Variants in ESS2 observed in about 807,000 individuals in gnomAD.
The protein encoded by ESS2 is splicing factor ESS-2 homolog.
ESS2 carries 31 observed loss-of-function variants against 52.0 expected under a neutral mutation model. That is an observed-to-expected ratio of 0.60 (90% CI 0.45 to 0.81). The LOEUF is 0.81. Ranked by LOEUF, ESS2 falls within the 30% of genes least tolerant of loss-of-function variation. The pLI is 0.00. For synonymous variants in ESS2, 285 were observed against 259.2 expected (o/e 1.10, Z -0.95); for missense variants, 602 against 637.2 (o/e 0.94, Z 0.59).
chr22:19,132,436 A>G lies in ESS2; in HGVS notation c.*1760T>C, dbSNP rs1191692729. The G allele has an allele frequency of 1.2e-6, 2 of 1,612,642 alleles. No individual in the cohort carries two copies. ...GCCGAGACCTCCAGGGCCAAAGACC[A>G]TCACATCTCCGGAGCTGAGGTGGGG... On this transcript the variant is annotated 3_prime_UTR_variant, in exon 10 of 10. Transcript: ENST00000252137. The surrounding 1 kb of genome is among the most constrained non-coding windows in gnomAD (Gnocchi z 4.2).
chr22:19,142,470 A>G, intron 3 of ESS2, 68 bp downstream of exon 3: 3 of 1,432,746 alleles, frequency 2.1e-6, no homozygotes, highest in African/African-American at 1.4e-5. Context: ...CCACCCCCTC[A>G]GGGCCTCACA....
At position 19,142,787 on chromosome 22, in the gene ESS2, G is replaced by A. The variant is rs768314414; in HGVS notation, c.243C>T (p.Arg81=). The A allele has an allele frequency of 5.6e-6, 9 of 1,614,152 alleles. No homozygotes were observed. Among genetic ancestry groups the A allele is most frequent in the South Asian group, 2.2e-5 (2 of 91,086 alleles). ...CAGAGCCAAACTTGATGGCAATCTGGCGCATCCGTTCCAAGTCTCCATTCT... is the reference window on the plus strand; with the variant it reads ...CAGAGCCAAACTTGATGGCAATCTGACGCATCCGTTCCAAGTCTCCATTCT... ...AEENGDLERM[R]QIAIKFGSAL... The change falls in exon 2 of 10, where the codon CGC becomes CGT. Residue 81 remains arginine, a synonymous_variant. Transcript: ENST00000252137.
intron 7 of ESS2, 128 bp downstream of exon 7, chr22:19,138,087 G>A (rs2083615868): frequency 2.0e-6 from 3 of 1,509,312 alleles, no homozygotes; most frequent in Admixed American, 2.3e-5. Flanking sequence ...AGGAGACCAG[G>A]TCCCTGAGTT....
At position 19,132,164 on chromosome 22, in the gene ESS2, C is replaced by G; in HGVS notation, c.*2032G>C. 2.5e-6 allele frequency: 4 copies of G among 1,613,276 alleles called. No individual in the cohort carries two copies. Among genetic ancestry groups the G allele is most frequent in the Non-Finnish European group, 3.4e-6 (4 of 1,179,386 alleles). ...ACCTCATCTACCGCATGCTGCAGCCCGACGTCAGCCAGCGGCTCCACATCG... is the reference window on the plus strand; with the variant it reads ...ACCTCATCTACCGCATGCTGCAGCCGGACGTCAGCCAGCGGCTCCACATCG... On this transcript the variant is annotated 3_prime_UTR_variant, in exon 10 of 10. Transcript: ENST00000252137. The surrounding 1 kb of genome is among the most constrained non-coding windows in gnomAD (Gnocchi z 4.2).
chr22:19,134,572 GAC>G (rs2083548596), intron 9 of ESS2, 97 bp from the exon 10 acceptor site: 2 of 1,301,442 alleles, frequency 1.5e-6, no homozygotes, highest in Middle Eastern at 2.7e-4. Context: ...CCTGGGCAGA[GAC>G]ACAGTCACTC....
At chr22:19,138,593 T>A in intron 6 of ESS2, 1 of 569,016 alleles carries the variant, frequency 1.8e-6, no homozygotes, top group Admixed American at 3.0e-5. Flanking sequence ...GCTGCGCCTA[T>A]CCCAGCAACT....
At position 19,132,441 on chromosome 22, in the gene ESS2, A is replaced by G. The variant is rs2083519475; in HGVS notation, c.*1755T>C. On this transcript the variant is annotated 3_prime_UTR_variant, in exon 10 of 10. Coordinates refer to ENST00000252137, the MANE Select transcript of ESS2 (RefSeq NM_022719.3). The surrounding 1 kb of genome is among the most constrained non-coding windows in gnomAD (Gnocchi z 4.2). ...GACCTCCAGGGCCAAAGACCATCACATCTCCGGAGCTGAGGTGGGGAAAGC... is the reference window on the plus strand; with the variant it reads ...GACCTCCAGGGCCAAAGACCATCACGTCTCCGGAGCTGAGGTGGGGAAAGC... The G allele has an allele frequency of 3.1e-6, 5 of 1,612,350 alleles. No individual in the cohort carries two copies. In the East Asian group the frequency reaches 8.9e-5, roughly 29 times the overall value.
intron 1 of ESS2, among the ~76,000 whole-genome samples, chr22:19,143,715 G>A (rs1006131324): frequency 6.6e-6 from 1 of 152,170 alleles, no homozygotes; most frequent in Non-Finnish European, 1.5e-5. Flanking sequence ...AATTAGCCGG[G>A]CGTGGTGGCG....
intron 9 of ESS2, 136 bp from the exon 10 acceptor site, chr22:19,134,611 C>T (rs2083549287): frequency 1.0e-6 from 1 of 965,144 alleles, no homozygotes; most frequent in Non-Finnish European, 1.4e-6. Flanking sequence ...GTACTGCCAG[C>T]ATGGCAGCAA....
rs3747052 is a variant in ESS2 at position 19,131,479 on chromosome 22, A to G, written c.*2717T>C. On this transcript the variant is annotated 3_prime_UTR_variant, in exon 10 of 10. Transcript: ENST00000252137. This position sits in a 1 kb window ranked among gnomAD's most constrained non-coding sequence, Gnocchi z 5.7. ...GGCAAGGGTTCCTACGCAAAAGTCA[A>G]ATCTGCCTACTCTGAGCGCCTCAAG... 8.2e-3 allele frequency: 13,200 copies of G among 1,614,054 alleles called. 531 individuals are homozygous for G. In the African/African-American group the frequency reaches 0.11, roughly 14 times the overall value.
chr22:19,144,315 A>G, intron 1 of ESS2, 191 bp downstream of exon 1: 3 of 1,361,386 alleles, frequency 2.2e-6, no homozygotes, highest in Non-Finnish European at 2.8e-6. Flanking sequence ...TTTCCCTGAC[A>G]ACACTACTAC....
Position 19,139,260 on chromosome 22 carries a change from G to C in ESS2, c.721C>G (p.Pro241Ala), listed in dbSNP as rs1249231695. Reference sequence around the variant, plus strand: ...GTGTTCTTATGTACCACCTGCCGGGGCTTCTTAAACAGCTGCTCCTCGTCA... The same window carrying C: ...GTGTTCTTATGTACCACCTGCCGGGCCTTCTTAAACAGCTGCTCCTCGTCA... The part of the protein sequence containing the change: ...VPDEEQLFKK[P>A]RQVVHKNTRF... The change falls in exon 6 of 10, where the codon CCC becomes GCC. Residue 241 changes from proline (P) to alanine (A), a missense_variant. Coordinates refer to ENST00000252137, the MANE Select transcript of ESS2 (RefSeq NM_022719.3). 41 of 1,605,440 alleles carry C rather than the reference G, an allele frequency of 2.6e-5. No individual in the cohort carries two copies. The highest frequency in any genetic ancestry group is 3.5e-5 in the Non-Finnish European group (41 of 1,175,702).
chr22:19,135,205 C>A (rs200641219), intron 8 of ESS2, 30 bp from the exon 9 acceptor site: 13 of 1,576,492 alleles, frequency 8.2e-6, no homozygotes, highest in Non-Finnish European at 1.0e-5. Flanking sequence ...TGGGTAGCTG[C>A]GCCAGGCCTG....
chr22:19,138,154 A>G, intron 7 of ESS2, 61 bp downstream of exon 7: 1 of 1,607,808 alleles, frequency 6.2e-7, no homozygotes, highest in South Asian at 1.1e-5. Flanking sequence ...CCGACTGAGA[A>G]GCCCACCTCC....
At chr22:19,136,713 C>T (rs2083588363) in intron 8 of ESS2, among the ~76,000 whole-genome samples, 1 of 152,166 alleles carries the variant, frequency 6.6e-6, no homozygotes, top group South Asian at 2.1e-4. Context: ...GCACGTTTGC[C>T]TTGGTTATCC....
chr22:19,131,589 C>A lies in ESS2; in HGVS notation c.*2607G>T. The A allele has an allele frequency of 1.2e-6, 2 of 1,614,198 alleles. No individual in the cohort carries two copies. The highest frequency in any genetic ancestry group is 1.7e-6 in the Non-Finnish European group (2 of 1,180,038). ...ATTCCTTCCTCGGGAGATGGACATC[C>A]TGGCAACTGTCAACCACGGCTCCAT... On this transcript the variant is annotated 3_prime_UTR_variant, in exon 10 of 10. Coordinates refer to ENST00000252137, the MANE Select transcript of ESS2 (RefSeq NM_022719.3). The surrounding 1 kb of genome is among the most constrained non-coding windows in gnomAD (Gnocchi z 5.7).
At position 19,132,350 on chromosome 22, in the gene ESS2, C is replaced by T. The variant is rs1209257956; in HGVS notation, c.*1846G>A. 6.2e-7 allele frequency: 1 copy of T among 1,613,096 alleles called. No homozygotes were observed. The highest frequency in any genetic ancestry group is 1.7e-5 in the Admixed American group (1 of 60,012). ...ACCGGCCCGACCACAAGCTTGGAGC[C>T]AAAACCCAGCACCGGCTGCTGGTGG... On this transcript the variant is annotated 3_prime_UTR_variant, in exon 10 of 10. Coordinates refer to ENST00000252137, the MANE Select transcript of ESS2 (RefSeq NM_022719.3). The surrounding 1 kb of genome is among the most constrained non-coding windows in gnomAD (Gnocchi z 4.2).
chr22:19,137,687 C>G (rs1162753108), intron 7 of ESS2: 1 of 958,474 alleles, frequency 1.0e-6, no homozygotes, highest in Non-Finnish European at 1.2e-6. Flanking sequence ...GGAGGTCTCC[C>G]CCAGCCACGC....
In ESS2 at chr22:19,130,650, G is replaced by C. The variant is rs2083498067; in HGVS notation, c.*3546C>G. The C allele has an allele frequency of 6.4e-6, 2 of 312,736 alleles. No individual in the cohort carries two copies. The highest frequency in any genetic ancestry group is 4.5e-5 in the African/African-American group (2 of 44,498). The allele number at this position is 312,736 out of a possible 1,614,324, so 19.4% of individuals were successfully genotyped here. A position where few individuals can be genotyped will look rare whatever the true frequency, so the allele number is the denominator to read the frequency against. On this transcript the variant is annotated 3_prime_UTR_variant, in exon 10 of 10. Transcript: ENST00000252137. ...TTCCCTTAACTTGTCTTCAGATTTTGTCGACCCGAGATGGGTCCTGGCACT... is the reference window on the plus strand; with the variant it reads ...TTCCCTTAACTTGTCTTCAGATTTTCTCGACCCGAGATGGGTCCTGGCACT...
Sources: allele counts gnomAD v4.1 joint callset (sites outside exome capture counted in the v4.1 genomes callset), GRCh38; gene constraint gnomAD v4.1.1; non-coding constraint Gnocchi (gnomAD v3.1); transcripts MANE v1.5; gene names NCBI Gene and HGNC (gene_info 2026-07-23, HGNC 2026-07-21).